OR5H1: variants seen among roughly 807,000 people sequenced by gnomAD.
OR5H1 encodes olfactory receptor family 5 subfamily H member 1, also known as olfactory receptor 5H1.
For missense variants in OR5H1, 378 were observed against 366.8 expected (o/e 1.03, Z -0.25); for synonymous variants, 124 against 134.4 (o/e 0.92, Z 0.54).
rs911470011 is a variant in OR5H1 at position 98,135,247 on chromosome 3, T to C, written c.*1608T>C. On this transcript the variant is annotated 3_prime_UTR_variant, in exon 2 of 2. Transcript: ENST00000641874. ...TGTATTGGTTAAAGTGGAGCAGTAG[T>C]GTTATTTTGATCATTCCAGTGGAAA... 2 of 152,052 alleles carry C rather than the reference T, an allele frequency of 1.3e-5. No homozygotes were observed. The highest frequency in any genetic ancestry group is 1.9e-4 in the East Asian group (1 of 5,182). 9.4% of individuals were successfully genotyped at this position (152,052 alleles called of 1,614,324 possible).
chr3:98,133,994 C>T lies in OR5H1; in HGVS notation c.*355C>T, dbSNP rs146994486. On this transcript the variant is annotated 3_prime_UTR_variant, in exon 2 of 2. Coordinates refer to ENST00000641874, the MANE Select transcript of OR5H1 (RefSeq NM_001005338.2). ...GATACTAATACTACTGAATTACCTG[C>T]GATATCCATCATATACCATAACTGA... is the stretch of plus-strand genomic sequence containing the variant. The T allele has an allele frequency of 1.4e-3, 303 of 210,002 alleles. No individual in the cohort carries two copies. The highest frequency in any genetic ancestry group is 2.4e-3 in the Non-Finnish European group (244 of 103,308). The allele number at this position is 210,002 out of a possible 1,614,324, so 13.0% of individuals were successfully genotyped here.
At chr3:98,132,562 T>C in intron 1 of OR5H1, 118 bp from the exon 2 acceptor site, 1 of 1,128,016 alleles carries the variant, frequency 8.9e-7, no homozygotes, top group Non-Finnish European at 1.3e-6. Context: ...GCTATAGGAC[T>C]GATCAAAAAA....
intron 1 of OR5H1, among the ~76,000 whole-genome samples, chr3:98,131,510 TA>T (rs1263098686): frequency 6.6e-6 from 1 of 151,750 alleles, no homozygotes; most frequent in Non-Finnish European, 1.5e-5. Context: ...GGCAGTATGT[TA>T]CCTCTGACAG....
chr3:98,131,972 G>A (rs994033012), intron 1 of OR5H1, among the ~76,000 whole-genome samples: 13 of 151,916 alleles, frequency 8.6e-5, no homozygotes, highest in African/African-American at 3.1e-4. Context: ...CTCTTTCAAT[G>A]TCATATCACA....
Position 98,133,693 on chromosome 3 carries a change from C to T in OR5H1, c.*54C>T. 1 of 1,431,962 alleles carries T rather than the reference C, an allele frequency of 7.0e-7. No individual in the cohort carries two copies. Among genetic ancestry groups the T allele is most frequent in the African/African-American group, 1.4e-5 (1 of 70,972 alleles). The allele number at this position is 1,431,962 out of a possible 1,614,324, so 88.7% of individuals were successfully genotyped here. A position where few individuals can be genotyped will look rare whatever the true frequency, so the allele number is the denominator to read the frequency against. ...ACAAAATTATGCAAGTTAGAGGTAC[C>T]TATGTTGTTTCCAGTGTTCAAACAT... On this transcript the variant is annotated 3_prime_UTR_variant, in exon 2 of 2. Coordinates refer to ENST00000641874, the MANE Select transcript of OR5H1 (RefSeq NM_001005338.2).
rs541202006 is a variant in OR5H1 at position 98,133,995 on chromosome 3, G to A, written c.*356G>A. 93 of 212,274 alleles carry A rather than the reference G, an allele frequency of 4.4e-4. No homozygotes were observed. The highest frequency in any genetic ancestry group is 1.9e-3 in the African/African-American group (79 of 42,164). The allele number at this position is 212,274 out of a possible 1,614,324, so 13.1% of individuals were successfully genotyped here. A position where few individuals can be genotyped will look rare whatever the true frequency, so the allele number is the denominator to read the frequency against. ...ATACTAATACTACTGAATTACCTGC[G>A]ATATCCATCATATACCATAACTGAG... On this transcript the variant is annotated 3_prime_UTR_variant, in exon 2 of 2. Coordinates refer to ENST00000641874, the MANE Select transcript of OR5H1 (RefSeq NM_001005338.2).
chr3:98,132,779 T>C lies in OR5H1; in HGVS notation c.82T>C (p.Phe28Leu). The change falls in exon 2 of 2, where the codon TTC becomes CTC. Residue 28 changes from phenylalanine (F) to leucine (L), a missense_variant. Phe to Leu is a conservative substitution (Grantham distance 22). Transcript: ENST00000641874. ...TCAACCACAGTGGAAAATACCCCTGTTCCTGGCATTCTTGGTAATATATCT... is the reference window on the plus strand; with the variant it reads ...TCAACCACAGTGGAAAATACCCCTGCTCCTGGCATTCTTGGTAATATATCT... ...LYQPQWKIPL[F>L]LAFLVIYLIT... 1 of 1,613,578 alleles carries C rather than the reference T, an allele frequency of 6.2e-7. No homozygotes were observed.
rs778078239 is a variant in OR5H1, at chr3:98,133,641, A to T, written c.*2A>T. On this transcript the variant is annotated 3_prime_UTR_variant, in exon 2 of 2. Transcript: ENST00000641874. ...AAACATGTTAAGGTTTCATACTAAT[A>T]TCCTTTCTCTAATTACAAAAATAGT... is the stretch of plus-strand genomic sequence containing the variant. 6.3e-7 allele frequency: 1 copy of T among 1,583,882 alleles called. No homozygotes were observed. Among genetic ancestry groups the T allele is most frequent in the Non-Finnish European group, 8.6e-7 (1 of 1,163,606 alleles).
intron 1 of OR5H1, among the ~76,000 whole-genome samples, chr3:98,131,549 A>C (rs184546879): frequency 1.9e-4 from 28 of 146,798 alleles, no homozygotes; most frequent in Admixed American, 4.0e-4. Context: ...GCAAAAAAGG[A>C]GATCACACCT....
At chr3:98,131,237 AG>A (rs1708252482) in intron 1 of OR5H1, among the ~76,000 whole-genome samples, 1 of 152,034 alleles carries the variant, frequency 6.6e-6, no homozygotes, top group Admixed American at 6.6e-5. Context: ...TTTTAAGGTG[AG>A]TCACTTACAT....
rs886751669 is a variant in OR5H1, at chr3:98,137,227, G to A, written c.*3588G>A. On this transcript the variant is annotated 3_prime_UTR_variant, in exon 2 of 2. Coordinates refer to ENST00000641874, the MANE Select transcript of OR5H1 (RefSeq NM_001005338.2). ...GTCAGCTAAGGAGAAGAAGGTAAAC[G>A]TATTAATTCTGTTTACAAAAGGTAT... The A allele has an allele frequency of 3.3e-5, 5 of 152,252 alleles. No homozygotes were observed. Among genetic ancestry groups the A allele is most frequent in the East Asian group, 1.9e-4 (1 of 5,184 alleles). 9.4% of individuals were successfully genotyped at this position (152,252 alleles called of 1,614,324 possible). A position where few individuals can be genotyped will look rare whatever the true frequency, so the allele number is the denominator to read the frequency against.
Position 98,136,345 on chromosome 3 carries a change from T to C in OR5H1, c.*2706T>C, listed in dbSNP as rs1359308133. The C allele has an allele frequency of 6.6e-6, 1 of 152,194 alleles. No homozygotes were observed. The highest frequency in any genetic ancestry group is 1.5e-5 in the Non-Finnish European group (1 of 68,024). 9.4% of individuals were successfully genotyped at this position (152,194 alleles called of 1,614,324 possible). On this transcript the variant is annotated 3_prime_UTR_variant, in exon 2 of 2. Coordinates refer to ENST00000641874, the MANE Select transcript of OR5H1 (RefSeq NM_001005338.2). The stretch of plus-strand genomic sequence containing the variant: ...TACTAAATAATCTCCGATTAGACTT[T>C]AAAGTTTCTTCAAGCTATAAAGTCA...
In OR5H1 at chr3:98,133,101, T is replaced by C; in HGVS notation, c.404T>C (p.Ile135Thr). The C allele has an allele frequency of 6.2e-7, 1 of 1,613,628 alleles. No individual in the cohort carries two copies. The highest frequency in any genetic ancestry group is 8.5e-7 in the Non-Finnish European group (1 of 1,179,702). ...TGCAAACCTTTACTTTATCCAGCCA[T>C]TATGACCAATGGACTGTGCATCCGG... The part of the protein sequence containing the change: ...AICKPLLYPA[I>T]MTNGLCIRLL... Residue 135 changes from isoleucine (I) to threonine (T), a missense_variant, in exon 2 of 2, where the codon ATT becomes ACT. By Grantham distance (89) the Ile-to-Thr change is moderately conservative (BLOSUM62 -1). Coordinates refer to ENST00000641874, the MANE Select transcript of OR5H1 (RefSeq NM_001005338.2).
chr3:98,133,311 C>T lies in OR5H1; in HGVS notation c.614C>T (p.Ser205Leu). 2 of 1,612,930 alleles carry T rather than the reference C, an allele frequency of 1.2e-6. No homozygotes were observed. Among genetic ancestry groups the T allele is most frequent in the Non-Finnish European group, 1.7e-6 (2 of 1,179,470 alleles). ...CTAATGGTTTTTATTTTCTCAGGTTCAATTCAGGTATTCAGCATTGTGACT... is the reference window on the plus strand; with the variant it reads ...CTAATGGTTTTTATTTTCTCAGGTTTAATTCAGGTATTCAGCATTGTGACT... Reference protein sequence around the residue: ...NFLMVFIFSGSIQVFSIVTIL... With the variant: ...NFLMVFIFSGLIQVFSIVTIL... The change falls in exon 2 of 2, where the codon TCA becomes TTA. Residue 205 changes from serine to leucine, a missense_variant. Coordinates refer to ENST00000641874, the MANE Select transcript of OR5H1 (RefSeq NM_001005338.2).
At position 98,136,312 on chromosome 3, in the gene OR5H1, A is replaced by G. The variant is rs2107309820; in HGVS notation, c.*2673A>G. 6.6e-6 allele frequency: 1 copy of G among 152,308 alleles called. No individual in the cohort carries two copies. The highest frequency in any genetic ancestry group is 1.9e-4 in the East Asian group (1 of 5,186). 9.4% of individuals were successfully genotyped at this position (152,308 alleles called of 1,614,324 possible). ...CATCTCTTTTTAAGAAGGCCTCATT[A>G]CGACCTTTACTAAATAATCTCCGAT... is the stretch of plus-strand genomic sequence containing the variant. On this transcript the variant is annotated 3_prime_UTR_variant, in exon 2 of 2. Coordinates refer to ENST00000641874, the MANE Select transcript of OR5H1 (RefSeq NM_001005338.2).
Position 98,133,148 on chromosome 3 carries a change from G to T in OR5H1, c.451G>T (p.Gly151Cys), listed in dbSNP as rs1388871317. 1 of 1,613,300 alleles carries T rather than the reference G, an allele frequency of 6.2e-7. No individual in the cohort carries two copies. Among genetic ancestry groups the T allele is most frequent in the Admixed American group, 1.7e-5 (1 of 59,938 alleles). The part of the protein sequence containing the change: ...CIRLLILSYV[G>C]GILHALIHEG... ...CCGGCTATTAATCTTGTCATATGTA[G>T]GTGGTATTCTTCATGCTTTAATCCA... The change falls in exon 2 of 2, where the codon GGT becomes TGT. Residue 151 changes from glycine (G) to cysteine (C), a missense_variant. By Grantham distance (159) the Gly-to-Cys change is radical. Coordinates refer to ENST00000641874, the MANE Select transcript of OR5H1 (RefSeq NM_001005338.2).
chr3:98,133,285 T>C lies in OR5H1; in HGVS notation c.588T>C (p.Phe196=), dbSNP rs745610621. ...KISCTDSSIN[F]LMVFIFSGSI... ...CTTGTACTGATTCTTCTATTAATTT[T>C]CTAATGGTTTTTATTTTCTCAGGTT... Residue 196 remains phenylalanine (F), a synonymous_variant, in exon 2 of 2, where the codon TTT becomes TTC. Transcript: ENST00000641874. The C allele has an allele frequency of 5.0e-6, 8 of 1,611,574 alleles. No homozygotes were observed. Among genetic ancestry groups the C allele is most frequent in the Non-Finnish European group, 8.5e-7 (1 of 1,178,488 alleles).
intron 1 of OR5H1, among the ~76,000 whole-genome samples, chr3:98,131,679 ATGCCTTTGAC>A (rs1311510344): frequency 2.6e-5 from 4 of 151,976 alleles, no homozygotes; most frequent in Non-Finnish European, 4.4e-5. Context: ...ATCTTTAACT[ATGCCTTTGAC>A]TGCCTTTGAC....
chr3:98,132,161 A>T (rs561258395), intron 1 of OR5H1, among the ~76,000 whole-genome samples: 2 of 152,054 alleles, frequency 1.3e-5, no homozygotes, highest in East Asian at 3.9e-4. Context: ...GGCCTTACTA[A>T]CAAGTTTCTA....
Sources: gnomAD v4.1 joint callset for allele counts (sites outside exome capture counted in the v4.1 genomes callset) on GRCh38, gnomAD v4.1.1 for gene constraint, MANE v1.5 for transcripts, NCBI Gene and HGNC (gene_info 2026-07-23, HGNC 2026-07-21) for gene names.